The following PTK2 variants were observed in gnomAD, a reference collection of about 807,000 sequenced individuals.
The protein encoded by PTK2 is focal adhesion kinase 1.
Under a neutral mutation model 150.1 loss-of-function variants are expected in PTK2, and 45 were observed. The ratio of observed to expected loss-of-function variants is 0.30; its 90% CI spans 0.24 to 0.38. PTK2 has a LOEUF of 0.38. Ranked by LOEUF, PTK2 falls within the 10% of genes least tolerant of loss-of-function variation. PTK2 has a pLI of 1.00. For missense variants in PTK2, 919 were observed against 1,307.3 expected (o/e 0.70, Z 4.58); for synonymous variants, 432 against 449.2 (o/e 0.96, Z 0.48).
At chr8:140,821,189 G>A (rs1234352177) in intron 8 of PTK2, 1 of 152,256 alleles carries the variant, frequency 6.6e-6, no homozygotes, top group East Asian at 1.9e-4. Flanking sequence ...AATTCAATGA[G>A]CCAAGATAGT....
intron 14 of PTK2, chr8:140,769,592 T>C (rs763518658): frequency 1.5e-6 from 2 of 1,362,452 alleles, no homozygotes; most frequent in Non-Finnish European, 1.9e-6. Flanking sequence ...ACTAATTTCA[T>C]CTGCAGATCC....
At chr8:140,796,454 TTAA>T (rs1012241134) in intron 12 of PTK2, among the ~76,000 whole-genome samples, 2 of 152,186 alleles carry the variant, frequency 1.3e-5, no homozygotes, top group Non-Finnish European at 2.9e-5. Flanking sequence ...ACCCAAATTG[TTAA>T]TAATATAGCC....
intron 23 of PTK2, among the ~76,000 whole-genome samples, chr8:140,716,467 C>G (rs1403615428): frequency 1.3e-5 from 2 of 152,164 alleles, no homozygotes; most frequent in East Asian, 1.9e-4. Flanking sequence ...ATCCATCAGA[C>G]AGGTATGTGT....
intron 1 of PTK2, among the ~76,000 whole-genome samples, chr8:140,958,924 A>G (rs1428665585): frequency 6.6e-6 from 1 of 152,194 alleles, no homozygotes. Flanking sequence ...GTGTGAAGCA[A>G]ATTATTATTT....
At chr8:140,906,452 G>A (rs2100160905) in intron 2 of PTK2, among the ~76,000 whole-genome samples, 1 of 152,128 alleles carries the variant, frequency 6.6e-6, no homozygotes, top group Non-Finnish European at 1.5e-5. Flanking sequence ...GGACAATGTG[G>A]TATATATACA....
In PTK2 at chr8:140,960,507, C is replaced by T. The variant is rs1325211559; in HGVS notation, c.-121-34758G>A. 2.6e-5 allele frequency among the ~76,000 whole-genome samples: 4 copies of T among 151,780 alleles called. No homozygotes were observed. The East Asian group carries it at 7.8e-4, about 29-fold the overall frequency. On this transcript the variant is annotated intron_variant, in intron 1 of 31. Coordinates refer to ENST00000522684, the Ensembl canonical transcript of PTK2. ...ACAGGTATGAGCCACCGCGGCTGGCCCATTTTAACCCTTAAAAAAAGAATA... is the reference window on the plus strand; with the variant it reads ...ACAGGTATGAGCCACCGCGGCTGGCTCATTTTAACCCTTAAAAAAAGAATA...
intron 9 of PTK2, 57 bp from the exon 10 acceptor site, chr8:140,818,411 T>C (rs2100106071): frequency 3.4e-6 from 5 of 1,459,826 alleles, no homozygotes; most frequent in Non-Finnish European, 4.8e-6. Context: ...AGAAATACTT[T>C]AGATAAAGAG....
intron 23 of PTK2, among the ~76,000 whole-genome samples, chr8:140,708,439 A>G (rs1016188459): frequency 6.6e-6 from 1 of 152,142 alleles, no homozygotes. Context: ...TAACATAAAC[A>G]TATGTCCTCT....
intron 1 of PTK2, among the ~76,000 whole-genome samples, chr8:140,947,845 G>A (rs1235850810): frequency 6.6e-6 from 1 of 152,034 alleles, no homozygotes; most frequent in Non-Finnish European, 1.5e-5. Flanking sequence ...GACTAGTTGT[G>A]CCCAGGCTAA....
intron 7 of PTK2, among the ~76,000 whole-genome samples, chr8:140,831,154 A>G (rs903123558): frequency 1.6e-4 from 24 of 152,338 alleles, no homozygotes; most frequent in African/African-American, 5.3e-4. Flanking sequence ...GTCAGGCAAC[A>G]AAATTAAATT....
At chr8:140,995,197 G>C (rs1348462887) in intron 1 of PTK2, among the ~76,000 whole-genome samples, 1 of 151,454 alleles carries the variant, frequency 6.6e-6, no homozygotes, top group Non-Finnish European at 1.5e-5. Context: ...TGGCCAACAT[G>C]ATGATGAAAC....
chr8:140,758,777 T>C (rs1453836575), intron 16 of PTK2, among the ~76,000 whole-genome samples: 1 of 152,238 alleles, frequency 6.6e-6, no homozygotes, highest in East Asian at 1.9e-4. Flanking sequence ...ACAGTGTTTA[T>C]AGCCTATAGT....
chr8:140,669,298 A>C, intron 29 of PTK2: 1 of 77,090 alleles, frequency 1.3e-5, no homozygotes, highest in Non-Finnish European at 2.3e-5. Context: ...CCAGCATAAA[A>C]TGGTATATAT....
At chr8:140,797,896 G>A (rs1448728810) in intron 12 of PTK2, among the ~76,000 whole-genome samples, 1 of 151,994 alleles carries the variant, frequency 6.6e-6, no homozygotes, top group Admixed American at 6.6e-5. Flanking sequence ...CTGGCCTCAG[G>A]GATTCTCCTG....
At chr8:140,874,585 A>G (rs913431402) in intron 4 of PTK2, among the ~76,000 whole-genome samples, 1 of 152,146 alleles carries the variant, frequency 6.6e-6, no homozygotes, top group African/African-American at 2.4e-5. Flanking sequence ...TTTCTAGTAT[A>G]CCACCCATTT....
chr8:140,854,678 T>G (rs1368062678), intron 5 of PTK2, among the ~76,000 whole-genome samples: 2 of 152,136 alleles, frequency 1.3e-5, no homozygotes, highest in Non-Finnish European at 2.9e-5. Context: ...GTCAAAATAT[T>G]TAGTAAGTCA....
intron 18 of PTK2, among the ~76,000 whole-genome samples, chr8:140,745,271 A>G (rs183525364): frequency 6.6e-6 from 1 of 152,346 alleles, no homozygotes; most frequent in Admixed American, 6.5e-5. Context: ...GCAGAAGCAC[A>G]GAACAGTCAT....
chr8:140,904,692 T>C (rs563335141), intron 2 of PTK2, among the ~76,000 whole-genome samples: 6 of 152,310 alleles, frequency 3.9e-5, no homozygotes, highest in South Asian at 4.1e-4. Flanking sequence ...TATTGGTCCA[T>C]TCAGGGATTT....
chr8:140,985,055 T>C (rs1442562483), intron 1 of PTK2, among the ~76,000 whole-genome samples: 1 of 152,198 alleles, frequency 6.6e-6, no homozygotes, highest in Non-Finnish European at 1.5e-5. Context: ...TAACATTATA[T>C]TACCAGTTAA....
Sources: allele counts gnomAD v4.1 joint callset (sites outside exome capture counted in the v4.1 genomes callset), GRCh38; gene constraint gnomAD v4.1.1; transcripts MANE v1.5; gene names NCBI Gene and HGNC (gene_info 2026-07-23, HGNC 2026-07-21).